The following ATP8B4 variants were observed in gnomAD, a reference collection of about 807,000 sequenced individuals.
ATP8B4 encodes the protein ATPase phospholipid transporting 8B4 (putative).
Under a neutral mutation model 145.6 loss-of-function variants are expected in ATP8B4, and 133 were observed. The ratio of observed to expected loss-of-function variants is 0.91; its 90% CI spans 0.79 to 1.05. The LOEUF is 1.05. ATP8B4 is among the 50% of genes least tolerant of loss of function. The pLI is 0.00. For synonymous variants in ATP8B4, 507 were observed against 492.9 expected (o/e 1.03, Z -0.38); for missense variants, 1,458 against 1,425.2 (o/e 1.02, Z -0.37).
intron 26 of ATP8B4, among the ~76,000 whole-genome samples, chr15:49,863,556 C>G (rs151320793): frequency 8.2e-4 from 125 of 152,298 alleles, no homozygotes; most frequent in African/African-American, 2.7e-3. Flanking sequence ...GTATTCAAAG[C>G]TTACCACCAT....
chr15:49,961,189 C>T (rs2044041290), intron 14 of ATP8B4, among the ~76,000 whole-genome samples: 1 of 150,698 alleles, frequency 6.6e-6, no homozygotes, highest in Non-Finnish European at 1.5e-5. Flanking sequence ...AGCTCTTAAA[C>T]ATGAAAATAT....
intron 23 of ATP8B4, chr15:49,880,649 C>T (rs2035235669): frequency 6.6e-6 from 1 of 151,952 alleles, no homozygotes; most frequent in Non-Finnish European, 1.5e-5. Flanking sequence ...AAGCTTATGA[C>T]TCAGAATAAC....
chr15:50,158,455 C>T (rs2044462399), intron 1 of ATP8B4, among the ~76,000 whole-genome samples: 2 of 150,914 alleles, frequency 1.3e-5, no homozygotes, highest in South Asian at 2.1e-4. Flanking sequence ...AGACCCCGCC[C>T]GGCCAGCCGC....
chr15:49,876,602 G>A, intron 24 of ATP8B4, 79 bp from the exon 25 acceptor site: 1 of 1,566,946 alleles, frequency 6.4e-7, no homozygotes, highest in Non-Finnish European at 8.7e-7. Context: ...TTCAGAAATA[G>A]CAAATGCCTG....
At chr15:50,073,715 C>T (rs1180378387) in intron 3 of ATP8B4, among the ~76,000 whole-genome samples, 1 of 152,096 alleles carries the variant, frequency 6.6e-6, no homozygotes, top group Non-Finnish European at 1.5e-5. Context: ...TATATTTTTC[C>T]ACATTCAGCC....
At chr15:49,996,628 G>T in intron 9 of ATP8B4, 49 bp downstream of exon 9, 1 of 1,410,792 alleles carries the variant, frequency 7.1e-7, no homozygotes, top group Non-Finnish European at 9.8e-7. Context: ...TTGTTGCATT[G>T]CTTTTTGGGT....
rs539403539 is a variant in ATP8B4, at chr15:50,155,017, A to G, written c.-43+27244T>C. On this transcript the variant is annotated intron_variant, in intron 1 of 3. Transcript: ENST00000558829. ...ATTACATGAAAGCTCACTTATATTTATCTTGTTTACATTACCTACTTTTAA... is the reference window on the plus strand; with the variant it reads ...ATTACATGAAAGCTCACTTATATTTGTCTTGTTTACATTACCTACTTTTAA... 6.2e-4 allele frequency among the ~76,000 whole-genome samples: 94 copies of G among 152,242 alleles called. 1 individual carries two copies. The South Asian group carries it at 0.019, about 31-fold the overall frequency.
At chr15:49,943,116 C>T (rs2042293150) in intron 14 of ATP8B4, among the ~76,000 whole-genome samples, 1 of 150,998 alleles carries the variant, frequency 6.6e-6, no homozygotes. Flanking sequence ...CAGACTTGAT[C>T]AAACAGGAAA....
chr15:49,876,774 T>C, intron 24 of ATP8B4: 2 of 637,994 alleles, frequency 3.1e-6, no homozygotes, highest in South Asian at 3.0e-5. Flanking sequence ...AGCTCGTAAG[T>C]AGCAGAACCA....
chr15:50,088,442 C>T (rs899184089), intron 2 of ATP8B4, among the ~76,000 whole-genome samples: 1 of 152,164 alleles, frequency 6.6e-6, no homozygotes, highest in African/African-American at 2.4e-5. Context: ...TCAGTGGCCT[C>T]TTGTTCCTTG....
At chr15:50,107,223 A>G (rs1451942048) in intron 1 of ATP8B4, among the ~76,000 whole-genome samples, 3 of 152,226 alleles carry the variant, frequency 2.0e-5, no homozygotes, top group Non-Finnish European at 4.4e-5. Context: ...GTATGAGACA[A>G]CTCAAGGTAA....
intron 6 of ATP8B4, among the ~76,000 whole-genome samples, chr15:50,027,286 G>A (rs2050076495): frequency 6.6e-6 from 1 of 152,156 alleles, no homozygotes; most frequent in Admixed American, 6.5e-5. Flanking sequence ...GACTCCTTGA[G>A]GGCAGTGACA....
intron 14 of ATP8B4, among the ~76,000 whole-genome samples, chr15:49,940,340 AACATTGGGTAC>A (rs1377620840): frequency 6.6e-6 from 1 of 152,146 alleles, no homozygotes; most frequent in Non-Finnish European, 1.5e-5. Context: ...GTGGGAGCTA[AACATTGGGTAC>A]ACATAGTCAT....
intron 13 of ATP8B4, among the ~76,000 whole-genome samples, chr15:49,969,119 A>G (rs2044835926): frequency 6.6e-6 from 1 of 152,234 alleles, no homozygotes; most frequent in Non-Finnish European, 1.5e-5. Context: ...GGACACAGAT[A>G]AAGCAGTGTT....
chr15:50,123,774 T>A (rs2057289285), upstream of ATP8B4, among the ~76,000 whole-genome samples: 1 of 152,174 alleles, frequency 6.6e-6, no homozygotes, highest in Non-Finnish European at 1.5e-5. Flanking sequence ...TGGGCAGTTA[T>A]GAGACCTTTG....
At chr15:49,946,316 T>TA (rs2042560959) in intron 14 of ATP8B4, among the ~76,000 whole-genome samples, 2 of 152,240 alleles carry the variant, frequency 1.3e-5, no homozygotes, top group African/African-American at 4.8e-5. Context: ...AGACTTGTAG[T>TA]AAATTCTTAT....
At chr15:49,940,331 T>C (rs1180021613) in intron 14 of ATP8B4, among the ~76,000 whole-genome samples, 8 of 152,094 alleles carry the variant, frequency 5.3e-5, no homozygotes, top group Non-Finnish European at 8.8e-5. Context: ...CATTTATAAG[T>C]GGGAGCTAAA....
At chr15:50,108,635 C>T (rs542695951) in intron 1 of ATP8B4, among the ~76,000 whole-genome samples, 3 of 152,224 alleles carry the variant, frequency 2.0e-5, no homozygotes, top group South Asian at 2.1e-4. Flanking sequence ...CCCCTTTATC[C>T]GACTAGCTCC....
In ATP8B4 at chr15:49,878,575, C is replaced by T. The variant is rs1051995015; in HGVS notation, c.2781+801G>A. 9.2e-5 allele frequency among the ~76,000 whole-genome samples: 14 copies of T among 152,284 alleles called. No homozygotes were observed. The South Asian group carries it at 2.3e-3, about 25-fold the overall frequency. On this transcript the variant is annotated intron_variant, in intron 24 of 27. Transcript: ENST00000284509. ...AAAATAAGACACTCTAATTGTGCCA[C>T]GGAAATTCCACTGGCTAGTCTTTCA...
Sources: gnomAD v4.1 joint callset for allele counts (sites outside exome capture counted in the v4.1 genomes callset) on GRCh38, gnomAD v4.1.1 for gene constraint, MANE v1.5 for transcripts, NCBI Gene and HGNC (gene_info 2026-07-23, HGNC 2026-07-21) for gene names.